SPTLC3: variants seen among roughly 807,000 people sequenced by gnomAD.
SPTLC3 encodes the protein serine palmitoyltransferase long chain base subunit 3, also known as serine palmitoyltransferase 3.
In SPTLC3, 36 loss-of-function variants were observed where a neutral mutation model predicts 59.3. The observed-to-expected ratio is 0.61, with a 90% CI of 0.47 to 0.80. SPTLC3 has a LOEUF of 0.80. SPTLC3 is among the 30% of genes least tolerant of loss of function. The pLI, the probability that SPTLC3 is intolerant of heterozygous loss-of-function variation, is 0.00. For synonymous variants in SPTLC3, 257 were observed against 240.8 expected, an observed-to-expected ratio of 1.07 and a Z score of -0.62; for missense variants, 625 against 685.1, an observed-to-expected ratio of 0.91 and a Z score of 0.98.
Position 13,154,003 on chromosome 20 carries a change from G to A in SPTLC3, c.1280G>A (p.Gly427Glu), listed in dbSNP as rs1195014986. Residue 427 changes from glycine (G) to glutamate (E), a missense_variant and splice_region_variant, in exon 10 of 12, where the codon GGG (glycine) becomes GAG (glutamate). Gly to Glu is a moderately conservative substitution (Grantham distance 98). Coordinates refer to ENST00000399002, the MANE Select transcript of SPTLC3 (RefSeq NM_018327.4). Reference protein sequence around the residue: ...LIMGLDGTTQGLQRVQQLAKN... With the variant: ...LIMGLDGTTQELQRVQQLAKN... ...GGATTTCACGCCTGTCTCTTTTCAG[G>A]GCTGCAGAGAGTACAGCAACTTGCG... The A allele has an allele frequency of 1.9e-6, 3 of 1,613,624 alleles. No homozygotes were observed. The African/African-American group carries it at 4.0e-5, about 22-fold the overall frequency.
intron 6 of SPTLC3, among the ~76,000 whole-genome samples, chr20:13,108,860 C>G (rs1990062326): frequency 6.6e-6 from 1 of 152,164 alleles, no homozygotes; most frequent in African/African-American, 2.4e-5. Context: ...GTTTCTAATG[C>G]CTGGTGAACA....
intron 4 of SPTLC3, among the ~76,000 whole-genome samples, chr20:13,080,585 C>T (rs1988808823): frequency 1.3e-5 from 2 of 151,002 alleles, no homozygotes; most frequent in Non-Finnish European, 2.9e-5. Flanking sequence ...TATCACATCA[C>T]CCCAAAGAAT....
rs1332928514 is a variant in SPTLC3 at position 13,052,287 on chromosome 20, C to G, written c.303+3157C>G. ...CGCAAGGGGTTGGGGAACTCCCTCC[C>G]CTAGCCAAGGGAAGCCCTGAGGGAC... On this transcript the variant is annotated intron_variant, in intron 2 of 11. Coordinates refer to ENST00000399002, the MANE Select transcript of SPTLC3 (RefSeq NM_018327.4). 2.0e-5 allele frequency among the ~76,000 whole-genome samples: 3 copies of G among 152,142 alleles called. No homozygotes were observed. The East Asian group carries it at 5.8e-4, about 29-fold the overall frequency.
intron 6 of SPTLC3, among the ~76,000 whole-genome samples, chr20:13,107,669 G>A (rs984972555): frequency 2.6e-5 from 4 of 152,020 alleles, no homozygotes; most frequent in Non-Finnish European, 4.4e-5. Flanking sequence ...CTTCTTTCAC[G>A]GGTCCTTACG....
At chr20:13,039,818 A>G (rs1986894207) in intron 1 of SPTLC3, among the ~76,000 whole-genome samples, 2 of 152,002 alleles carry the variant, frequency 1.3e-5, no homozygotes, top group Admixed American at 6.6e-5. Flanking sequence ...ACATATGTTA[A>G]TGTACCAAAA....
intron 4 of SPTLC3, among the ~76,000 whole-genome samples, chr20:13,080,860 A>G (rs1415357416): frequency 6.6e-6 from 1 of 152,232 alleles, no homozygotes; most frequent in Non-Finnish European, 1.5e-5. Context: ...AGTGAGACTA[A>G]TAATGATAAA....
chr20:13,103,602 T>G (rs1989705805), intron 6 of SPTLC3, among the ~76,000 whole-genome samples: 1 of 152,162 alleles, frequency 6.6e-6, no homozygotes, highest in Non-Finnish European at 1.5e-5. Flanking sequence ...GTAGTTTTTG[T>G]GGGGTCATGG....
In SPTLC3 at chr20:13,073,983, A is replaced by T. The variant is rs1988544570; in HGVS notation, c.459-366A>T. On this transcript the variant is annotated intron_variant, in intron 3 of 11. Coordinates refer to ENST00000399002, the MANE Select transcript of SPTLC3 (RefSeq NM_018327.4). Reference sequence around the variant, plus strand: ...TGTTACCAACTCCTGGTATATCCTGATGACCAATGAATATCGGAGATAGTC... The same window carrying T: ...TGTTACCAACTCCTGGTATATCCTGTTGACCAATGAATATCGGAGATAGTC... 4.9e-6 allele frequency: 3 copies of T among 607,346 alleles called. No individual in the cohort carries two copies. The Admixed American group carries it at 5.6e-5, about 11-fold the overall frequency. The allele number at this position is 607,346 out of a possible 1,614,324, so 37.6% of individuals were successfully genotyped here.
chr20:13,009,344 G>C lies in SPTLC3; in HGVS notation c.77G>C (p.Ser26Thr). 1 of 1,614,056 alleles carries C rather than the reference G, an allele frequency of 6.2e-7. No individual in the cohort carries two copies. Among genetic ancestry groups the C allele is most frequent in the Non-Finnish European group, 8.5e-7 (1 of 1,179,970 alleles). The change falls in exon 1 of 12, where the codon AGC (serine) becomes ACC (threonine). Residue 26 changes from serine (S) to threonine (T), a missense_variant. Ser to Thr is a moderately conservative substitution (Grantham distance 58). Transcript: ENST00000399002. ...AAGAAACAGAGCAATGGCTCACAAA[G>C]CAGAAACTGCACAAAGAATGGAATA... ...NHKKQSNGSQ[S>T]RNCTKNGIVK...
chr20:13,161,692 T>G (rs951948832), intron 11 of SPTLC3, among the ~76,000 whole-genome samples: 3 of 152,112 alleles, frequency 2.0e-5, no homozygotes, highest in Non-Finnish European at 4.4e-5. Flanking sequence ...AAGAAACTAT[T>G]GGATTAGCAA....
At chr20:13,123,897 T>C (rs1312082159) in intron 8 of SPTLC3, among the ~76,000 whole-genome samples, 2 of 151,102 alleles carry the variant, frequency 1.3e-5, no homozygotes, top group Non-Finnish European at 3.0e-5. Context: ...TAGGGAGATA[T>C]TCACTCTCAA....
chr20:13,023,355 G>T (rs1345503628), intron 1 of SPTLC3, among the ~76,000 whole-genome samples: 3 of 151,874 alleles, frequency 2.0e-5, no homozygotes, highest in Non-Finnish European at 2.9e-5. Context: ...CCTATCTGTT[G>T]CCTGTCTCCA....
chr20:13,105,444 A>G (rs1989834565), intron 6 of SPTLC3, among the ~76,000 whole-genome samples: 1 of 152,062 alleles, frequency 6.6e-6, no homozygotes, highest in Non-Finnish European at 1.5e-5. Context: ...CGCAAAATGT[A>G]TAAAACACAG....
intron 4 of SPTLC3, among the ~76,000 whole-genome samples, chr20:13,089,653 G>T (rs188762358): frequency 2.6e-5 from 4 of 152,104 alleles, no homozygotes; most frequent in African/African-American, 9.6e-5. Context: ...GGGCATGGGG[G>T]CATGCACCTG....
chr20:13,099,081 G>C (rs1989517578), intron 6 of SPTLC3, among the ~76,000 whole-genome samples: 1 of 152,176 alleles, frequency 6.6e-6, no homozygotes, highest in African/African-American at 2.4e-5. Context: ...AGGGAATTCA[G>C]GTTGCAGATG....
intron 1 of SPTLC3, among the ~76,000 whole-genome samples, chr20:13,037,177 A>G (rs866215383): frequency 2.0e-5 from 3 of 152,240 alleles, no homozygotes; most frequent in Middle Eastern, 3.4e-3. Flanking sequence ...ATTCTTACAT[A>G]AAGCCTTTCT....
At position 13,117,674 on chromosome 20, in the gene SPTLC3, C is replaced by T. The variant is rs747705333; in HGVS notation, c.1101C>T (p.Gly367=). 2 of 1,613,802 alleles carry T rather than the reference C, an allele frequency of 1.2e-6. No individual in the cohort carries two copies. The highest frequency in any genetic ancestry group is 1.7e-6 in the Non-Finnish European group (2 of 1,179,892). The change falls in exon 8 of 12, where the codon GGC becomes GGT. Residue 367 remains glycine, a synonymous_variant. Coordinates refer to ENST00000399002, the MANE Select transcript of SPTLC3 (RefSeq NM_018327.4). Reference sequence around the variant, plus strand: ...CTCATGAAGTTGATGTGCTCATGGGCACATTCACCAAAAGTTTTGGAGCTT... The same window carrying T: ...CTCATGAAGTTGATGTGCTCATGGGTACATTCACCAAAAGTTTTGGAGCTT... ...LDPHEVDVLM[G]TFTKSFGASG... is the part of the protein sequence containing the mutation.
At chr20:13,136,358 A>T (rs1310015004) in intron 9 of SPTLC3, among the ~76,000 whole-genome samples, 1 of 152,148 alleles carries the variant, frequency 6.6e-6, no homozygotes, top group African/African-American at 2.4e-5. Flanking sequence ...GCACTTTGCG[A>T]GGCCAAGGCA....
chr20:13,049,988 A>G (rs1018473670), intron 2 of SPTLC3: 6 of 152,214 alleles, frequency 3.9e-5, no homozygotes, highest in African/African-American at 1.2e-4. Flanking sequence ...ATGAGAAGGA[A>G]CCAGAAAACC....
Sources: gnomAD v4.1 joint callset for allele counts (sites outside exome capture counted in the v4.1 genomes callset) on GRCh38, gnomAD v4.1.1 for gene constraint, MANE v1.5 for transcripts, NCBI Gene and HGNC (gene_info 2026-07-23, HGNC 2026-07-21) for gene names.